ZNF487: variants seen among roughly 807,000 people sequenced by gnomAD.
ZNF487 encodes KRAB domain only 1.
A neutral mutation model predicts 3.0 loss-of-function variants in ZNF487; 4 were observed. The ratio of observed to expected loss-of-function variants is 1.35; its 90% CI spans 0.66 to 3.08. The LOEUF (loss-of-function observed/expected upper bound fraction) is 3.08. ZNF487 is among the 30% of genes most tolerant of loss of function. ZNF487 has a pLI of 0.01. For synonymous variants in ZNF487, 55 were observed against 34.6 expected (o/e 1.59, Z -2.06); for missense variants, 146 against 98.7 (o/e 1.48, Z -2.03).
At chr10:43,485,086 C>T (rs1429011142), downstream of ZNF487, among the ~76,000 whole-genome samples, 1 of 152,210 alleles carries the variant, frequency 6.6e-6, no homozygotes, top group Non-Finnish European at 1.5e-5. Flanking sequence ...CAGATTTCTC[C>T]TAACTTTATT....
At position 43,462,763 on chromosome 10, in the gene ZNF487, T is replaced by C. The variant is rs1000435912; in HGVS notation, c.-93-12958T>C. ...GCCACTGCATCCGGCCTTTTTTTTT[T>C]CTTTCTTTTTTTTTTTATAAATAGA... On this transcript the variant is annotated intron_variant, in intron 1 of 3. Coordinates refer to ENST00000437590, the MANE Select transcript of ZNF487 (RefSeq NM_001355444.3). Among the ~76,000 whole-genome samples, 13 of 150,740 alleles carry C rather than the reference T, an allele frequency of 8.6e-5. 1 individual carries two copies. The highest frequency in any genetic ancestry group is 7.8e-4 in the East Asian group (4 of 5,126).
At chr10:43,440,756 C>T (rs770579476) in intron 1 of ZNF487, among the ~76,000 whole-genome samples, 2 of 151,846 alleles carry the variant, frequency 1.3e-5, no homozygotes, top group Non-Finnish European at 2.9e-5. Flanking sequence ...CTAGGGTAAC[C>T]ACTGTCTTCA....
chr10:43,522,307 A>G, the ZNF487 span, among the ~76,000 whole-genome samples: 1 of 152,180 alleles, frequency 6.6e-6, no homozygotes, highest in Non-Finnish European at 1.5e-5. Context: ...ACTTGAAATC[A>G]GGAGTTTGAG....
chr10:43,465,229 T>C (rs1381140521), intron 1 of ZNF487, among the ~76,000 whole-genome samples: 14 of 129,370 alleles, frequency 1.1e-4, no homozygotes, highest in African/African-American at 1.5e-4. Flanking sequence ...GGCGGCTGGC[T>C]GGGTGGGGGG....
At chr10:43,510,590 C>T in the ZNF487 span, among the ~76,000 whole-genome samples, 1 of 152,130 alleles carries the variant, frequency 6.6e-6, no homozygotes, top group Non-Finnish European at 1.5e-5. Flanking sequence ...CTCTGTCGCC[C>T]AGGCTGGAGT....
intron 1 of ZNF487, among the ~76,000 whole-genome samples, chr10:43,458,542 T>G (rs1441591389): frequency 6.6e-5 from 10 of 152,202 alleles, no homozygotes; most frequent in African/African-American, 2.4e-4. Flanking sequence ...TCTCTTTAGC[T>G]TAGTGATTTT....
chr10:43,490,141 G>A, the ZNF487 span, among the ~76,000 whole-genome samples: 178 of 152,314 alleles, frequency 1.2e-3, no homozygotes, highest in Non-Finnish European at 1.8e-3. Context: ...CCTGAGGTCA[G>A]GAGTTTGAGA....
At chr10:43,475,973 C>T (rs1311391462) in intron 2 of ZNF487, 126 bp downstream of exon 2, 1 of 644,534 alleles carries the variant, frequency 1.6e-6, no homozygotes, top group Non-Finnish European at 2.8e-6. Context: ...CTTGATTGAT[C>T]CCTTCTGGGC....
At chr10:43,444,741 T>C (rs551178079) in intron 1 of ZNF487, among the ~76,000 whole-genome samples, 13 of 152,038 alleles carry the variant, frequency 8.6e-5, no homozygotes, top group Admixed American at 5.9e-4. Flanking sequence ...AATTTTTTTA[T>C]GTTTTTGGTA....
intron 3 of ZNF487, among the ~76,000 whole-genome samples, chr10:43,479,963 TTTC>T (rs1431972530): frequency 8.8e-5 from 4 of 45,714 alleles, no homozygotes; most frequent in Non-Finnish European, 1.9e-4. Context: ...ACTCTCTTTC[TTTC>T]TTTCTTTTCT....
At chr10:43,447,193 G>C (rs976837948) in intron 1 of ZNF487, among the ~76,000 whole-genome samples, 26 of 152,042 alleles carry the variant, frequency 1.7e-4, no homozygotes, top group Admixed American at 1.3e-3. Flanking sequence ...TGAGGGAGAG[G>C]GGGAGACCGT....
intron 3 of ZNF487, among the ~76,000 whole-genome samples, chr10:43,479,881 C>G (rs1330781300): frequency 4.6e-5 from 7 of 152,100 alleles, no homozygotes; most frequent in South Asian, 2.1e-4. Flanking sequence ...GTTTCAAACT[C>G]CTGACCTCAG....
At chr10:43,456,539 C>A (rs138486233) in intron 1 of ZNF487, among the ~76,000 whole-genome samples, 21 of 152,256 alleles carry the variant, frequency 1.4e-4, no homozygotes, top group South Asian at 4.1e-4. Flanking sequence ...GTTGAGAGAA[C>A]CTGGTTGGGA....
At chr10:43,512,869 C>CCT in the ZNF487 span, among the ~76,000 whole-genome samples, 111,385 of 152,030 alleles carry the variant, frequency 0.73, 41,936 homozygotes, top group East Asian at 0.93. Flanking sequence ...AGGCATTGTG[C>CCT]CTTTCTTGGT....
chr10:43,449,336 A>G (rs1473599056), intron 1 of ZNF487, among the ~76,000 whole-genome samples: 1 of 152,158 alleles, frequency 6.6e-6, no homozygotes, highest in East Asian at 1.9e-4. Context: ...ATGGTACTGA[A>G]AAGAGAGAAA....
At chr10:43,483,802 A>G (rs1841445078), downstream of ZNF487, among the ~76,000 whole-genome samples, 1 of 152,186 alleles carries the variant, frequency 6.6e-6, no homozygotes, top group South Asian at 2.1e-4. Flanking sequence ...TGCTGGGATT[A>G]CAGGTGTGAA....
intron 1 of ZNF487, among the ~76,000 whole-genome samples, chr10:43,466,406 CTTT>C (rs529133882): frequency 7.1e-6 from 1 of 140,968 alleles, no homozygotes. Flanking sequence ...TTCTTTCTTT[CTTT>C]TTTTTTTTTT....
At chr10:43,514,198 T>TG in the ZNF487 span, among the ~76,000 whole-genome samples, 413 of 152,316 alleles carry the variant, frequency 2.7e-3, 3 homozygotes, top group African/African-American at 9.5e-3. Flanking sequence ...TGGAATGCAT[T>TG]GGTGTGATCT....
the ZNF487 span, among the ~76,000 whole-genome samples, chr10:43,498,099 ATTT>A: frequency 4.0e-4 from 8 of 20,182 alleles, no homozygotes; most frequent in East Asian, 2.7e-3. Context: ...ATATATATAT[ATTT>A]TTTTTTTTTT....
Sources: allele counts gnomAD v4.1 joint callset (sites outside exome capture counted in the v4.1 genomes callset), GRCh38; gene constraint gnomAD v4.1.1; transcripts MANE v1.5; gene names NCBI Gene and HGNC (gene_info 2026-07-23, HGNC 2026-07-21).